NPHS2: variants seen among roughly 807,000 people sequenced by gnomAD.
The protein encoded by NPHS2 is podocin.
NPHS2 carries 36 observed loss-of-function variants against 37.1 expected under a neutral mutation model. The ratio of observed to expected loss-of-function variants is 0.97; its 90% CI spans 0.74 to 1.28. The LOEUF (loss-of-function observed/expected upper bound fraction) is 1.28. Among genes scored for constraint, NPHS2 ranks in the 50% most tolerant of loss-of-function variants. The probability of loss-of-function intolerance (pLI) is 0.00; values close to 1 mark genes in which losing one functional copy is unlikely to be tolerated. For missense variants in NPHS2, 447 were observed against 488.1 expected (o/e 0.92, Z 0.79); for synonymous variants, 196 against 189.3 (o/e 1.04, Z -0.29).
At chr1:179,568,966 T>A (rs1674439550) in intron 1 of NPHS2, among the ~76,000 whole-genome samples, 1 of 152,216 alleles carries the variant, frequency 6.6e-6, no homozygotes, top group Admixed American at 6.5e-5. Context: ...GTGCTTTACT[T>A]CCAATTATGT....
At chr1:179,558,949 A>G (rs1176107882) in intron 4 of NPHS2, among the ~76,000 whole-genome samples, 1 of 152,184 alleles carries the variant, frequency 6.6e-6, no homozygotes, top group Non-Finnish European at 1.5e-5. Context: ...CTCTAGAGAA[A>G]CTATAGAATG....
chr1:179,558,095 C>T (rs147962485), intron 4 of NPHS2, among the ~76,000 whole-genome samples: 1 of 151,988 alleles, frequency 6.6e-6, no homozygotes, highest in East Asian at 1.9e-4. Context: ...TAAAACTTAC[C>T]ATCTTAACCA....
intron 1 of NPHS2, among the ~76,000 whole-genome samples, chr1:179,574,210 A>G (rs1252253591): frequency 6.6e-6 from 1 of 152,202 alleles, no homozygotes; most frequent in Non-Finnish European, 1.5e-5. Flanking sequence ...GGCCACAGCT[A>G]TAGGACCATG....
At chr1:179,564,648 AG>A in intron 2 of NPHS2, 41 bp downstream of exon 2, 1 of 1,498,578 alleles carries the variant, frequency 6.7e-7, no homozygotes, top group African/African-American at 1.4e-5. Context: ...GGCCAGTGAG[AG>A]GCCTCAGGAA....
intron 1 of NPHS2, among the ~76,000 whole-genome samples, chr1:179,570,310 C>T (rs1245432780): frequency 6.6e-6 from 1 of 152,166 alleles, no homozygotes; most frequent in Admixed American, 6.5e-5. Flanking sequence ...GAGCTGAGAT[C>T]CCGGAACAGA....
rs924580169 is a variant in NPHS2, at chr1:179,551,008, C to G, written c.*165G>C. On this transcript the variant is annotated 3_prime_UTR_variant, in exon 8 of 8. Transcript: ENST00000367615. The stretch of plus-strand genomic sequence containing the variant: ...TTGTCTGCCTTCTCTGTCATTACAT[C>G]ATTTCACCGTCTTCTCATGGATGGT... 6.4e-6 allele frequency: 5 copies of G among 785,358 alleles called. No homozygotes were observed. The highest frequency in any genetic ancestry group is 1.0e-5 in the Non-Finnish European group (5 of 480,968). 48.6% of individuals were successfully genotyped at this position (785,358 alleles called of 1,614,324 possible).
chr1:179,557,391 A>T (rs750419789), intron 4 of NPHS2, among the ~76,000 whole-genome samples, 161 bp from the exon 5 acceptor site: 4 of 152,188 alleles, frequency 2.6e-5, no homozygotes, highest in South Asian at 2.1e-4. Flanking sequence ...AAATTATGAA[A>T]TTTTTATTAA....
chr1:179,569,097 G>A (rs1558351579), intron 1 of NPHS2, among the ~76,000 whole-genome samples: 1 of 152,102 alleles, frequency 6.6e-6, no homozygotes, highest in African/African-American at 2.4e-5. Context: ...TTCTGGTCCT[G>A]GATATCCTTG....
At chr1:179,573,809 C>A (rs1674653299) in intron 1 of NPHS2, among the ~76,000 whole-genome samples, 1 of 152,146 alleles carries the variant, frequency 6.6e-6, no homozygotes, top group Admixed American at 6.5e-5. Context: ...AATTTATATC[C>A]TCAAACCTAA....
At position 179,575,805 on chromosome 1, in the gene NPHS2, C is replaced by T; in HGVS notation, c.60G>A (p.Pro20=). The change falls in exon 1 of 8, where the codon CCG becomes CCA. Residue 20 remains proline, a synonymous_variant. Coordinates refer to ENST00000367615, the MANE Select transcript of NPHS2 (RefSeq NM_014625.4). ...CCTTTGCCCTCTTGTTCTCCTTGTG[C>T]GGAGTCCTGCCGCCTCGCCCGCGGG... The part of the protein sequence containing the change: ...RESRGRGGRT[P]HKENKRAKAE... 1 of 1,476,010 alleles carries T rather than the reference C, an allele frequency of 6.8e-7. No individual in the cohort carries two copies. Among genetic ancestry groups the T allele is most frequent in the East Asian group, 2.7e-5 (1 of 37,550 alleles). The allele number at this position is 1,476,010 out of a possible 1,614,324, so 91.4% of individuals were successfully genotyped here.
At position 179,559,754 on chromosome 1, in the gene NPHS2, G is replaced by A. The variant is rs1234712373; in HGVS notation, c.459C>T (p.Phe153=). The A allele has an allele frequency of 1.9e-6, 3 of 1,579,278 alleles. No homozygotes were observed. Among genetic ancestry groups the A allele is most frequent in the Admixed American group, 1.7e-5 (1 of 57,192 alleles). Residue 153 remains phenylalanine (F), a synonymous_variant, in exon 4 of 8, where the codon TTC becomes TTT. Transcript: ENST00000367615. ...LPGRAKGPGL[F]FFLPCLDTYH... ...AGGTATCCAGGCAGGGCAAAAAAAA[G>A]AAAAGACCTAAAAGAGAGGAGGAGG...
intron 2 of NPHS2, 77 bp from the exon 3 acceptor site, chr1:179,561,438 C>G: frequency 9.0e-7 from 1 of 1,107,104 alleles, no homozygotes. Context: ...AAGAATGATC[C>G]TAGATATCAG....
chr1:179,575,142 CA>C lies in NPHS2; in HGVS notation c.274+448del, dbSNP rs551770635. On this transcript the variant is annotated intron_variant, in intron 1 of 7. Transcript: ENST00000367615. ...GCGACTGCTTTTCAGAAAGAATGATCATCTTCCCAGAAGTTTAAAATGCTTT... is the reference window on the plus strand; with the variant it reads ...GCGACTGCTTTTCAGAAAGAATGATCTCTTCCCAGAAGTTTAAAATGCTTT... Among the ~76,000 whole-genome samples the C allele has an allele frequency of 3.9e-5, 6 of 152,306 alleles. No homozygotes were observed. In the South Asian group the frequency reaches 8.3e-4, roughly 21 times the overall value.
chr1:179,574,656 G>C lies in NPHS2; in HGVS notation c.274+935C>G, dbSNP rs1044206008. Among the ~76,000 whole-genome samples, 16 of 152,208 alleles carry C rather than the reference G, an allele frequency of 1.1e-4. 1 individual carries two copies. The highest frequency in any genetic ancestry group is 2.6e-4 in the Admixed American group (4 of 15,282). On this transcript the variant is annotated intron_variant, in intron 1 of 7. Coordinates refer to ENST00000367615, the MANE Select transcript of NPHS2 (RefSeq NM_014625.4). ...TTAAATGGTAGCTTTCAGTGATCCAGCATGTACTGCTTTGCTGGTAACTAG... is the reference window on the plus strand; with the variant it reads ...TTAAATGGTAGCTTTCAGTGATCCACCATGTACTGCTTTGCTGGTAACTAG...
At chr1:179,569,880 T>C (rs1674485841) in intron 1 of NPHS2, among the ~76,000 whole-genome samples, 1 of 152,232 alleles carries the variant, frequency 6.6e-6, no homozygotes, top group Admixed American at 6.5e-5. Flanking sequence ...CCCCACTCTC[T>C]TCTAGCTTAT....
intron 1 of NPHS2, among the ~76,000 whole-genome samples, chr1:179,571,397 C>G (rs565027843): frequency 1.3e-5 from 2 of 152,200 alleles, no homozygotes; most frequent in Non-Finnish European, 2.9e-5. Flanking sequence ...CCAGCGGAGG[C>G]TGCAGAACAG....
chr1:179,565,763 G>A (rs1020704456), intron 1 of NPHS2, among the ~76,000 whole-genome samples: 4 of 118,872 alleles, frequency 3.4e-5, no homozygotes, highest in African/African-American at 6.6e-5. Flanking sequence ...GATGTTCACC[G>A]CCCTGTGTCC....
intron 1 of NPHS2, among the ~76,000 whole-genome samples, chr1:179,565,802 A>G (rs1674312209): frequency 7.1e-6 from 1 of 140,800 alleles, no homozygotes; most frequent in East Asian, 2.1e-4. Context: ...TTTCCCATCT[A>G]TGAGTGAAAA....
chr1:179,575,730 C>T lies in NPHS2; in HGVS notation c.135G>A (p.Pro45=), dbSNP rs746490475. The T allele has an allele frequency of 1.1e-5, 17 of 1,534,380 alleles. No individual in the cohort carries two copies. The highest frequency in any genetic ancestry group is 1.4e-5 in the African/African-American group (1 of 72,516). The change falls in exon 1 of 8, where the codon CCG becomes CCA. Residue 45 remains proline (P), a synonymous_variant. Coordinates refer to ENST00000367615, the MANE Select transcript of NPHS2 (RefSeq NM_014625.4). ...GGGTCCCCGCCCGTCCGGAGCCCGA[C>T]GGCTCGGGCCCAGCCTCCTGGCGCC... The part of the protein sequence containing the change: ...GRGRQEAGPE[P]SGSGRAGTPG...
Sources: gnomAD v4.1 joint callset for allele counts (sites outside exome capture counted in the v4.1 genomes callset) on GRCh38, gnomAD v4.1.1 for gene constraint, MANE v1.5 for transcripts, NCBI Gene and HGNC (gene_info 2026-07-23, HGNC 2026-07-21) for gene names.